The following GALNTL5 variants were observed in gnomAD, a reference collection of about 807,000 sequenced individuals.
The protein encoded by GALNTL5 is polypeptide N-acetylgalactosaminyltransferase like 5, also known as inactive polypeptide N-acetylgalactosaminyltransferase-like protein 5.
A neutral mutation model predicts 51.0 loss-of-function variants in GALNTL5; 44 were observed. The ratio of observed to expected loss-of-function variants is 0.86; its 90% CI spans 0.68 to 1.11. GALNTL5 has a LOEUF of 1.11. Among genes scored for constraint, GALNTL5 ranks in the 50% least tolerant of loss-of-function variants. The pLI is 0.00. For synonymous variants in GALNTL5, 192 were observed against 182.8 expected (o/e 1.05, Z -0.41); for missense variants, 528 against 531.8 (o/e 0.99, Z 0.07).
chr7:151,981,238 A>T (rs944772909), intron 3 of GALNTL5, among the ~76,000 whole-genome samples: 71 of 152,240 alleles, frequency 4.7e-4, no homozygotes, highest in African/African-American at 1.7e-3. Context: ...CCCACTAAAG[A>T]AGTGGAAAAA....
intron 5 of GALNTL5, among the ~76,000 whole-genome samples, chr7:151,988,358 T>C (rs1421796860): frequency 6.6e-6 from 1 of 152,160 alleles, no homozygotes; most frequent in Non-Finnish European, 1.5e-5. Context: ...TGTAGGGGAA[T>C]GTTGGCAGAA....
chr7:152,006,013 CA>C (rs1009154195), intron 6 of GALNTL5, among the ~76,000 whole-genome samples: 1 of 151,988 alleles, frequency 6.6e-6, no homozygotes, highest in African/African-American at 2.4e-5. Context: ...TGTAGAGGAC[CA>C]GCCCTGAGCC....
intron 3 of GALNTL5, among the ~76,000 whole-genome samples, chr7:151,973,179 A>G (rs6464193): frequency 0.59 from 89,102 of 151,768 alleles, 26,386 homozygotes; most frequent in African/African-American, 0.65. Flanking sequence ...TTTAGGGGCC[A>G]GGCACTGTGG....
chr7:151,985,143 C>T (rs2081344504), intron 4 of GALNTL5, among the ~76,000 whole-genome samples: 1 of 152,190 alleles, frequency 6.6e-6, no homozygotes. Flanking sequence ...CTAGCTCCAT[C>T]ACCCAGTTAT....
At chr7:151,958,981 G>A (rs1214841213) in intron 1 of GALNTL5, among the ~76,000 whole-genome samples, 5 of 152,154 alleles carry the variant, frequency 3.3e-5, no homozygotes, top group Non-Finnish European at 7.4e-5. Context: ...GCTGGAAAGA[G>A]CACCAGTCCT....
intron 3 of GALNTL5, among the ~76,000 whole-genome samples, chr7:151,982,117 A>G (rs1437153528): frequency 6.6e-6 from 1 of 152,198 alleles, no homozygotes; most frequent in South Asian, 2.1e-4. Flanking sequence ...ACACAAAAAA[A>G]TAAAGTATTC....
chr7:151,987,432 CT>C, intron 5 of GALNTL5, 151 bp downstream of exon 5: 1 of 653,874 alleles, frequency 1.5e-6, no homozygotes, highest in Admixed American at 3.9e-5. Flanking sequence ...CTTTAATCTT[CT>C]TTTGCCTCTG....
intron 2 of GALNTL5, among the ~76,000 whole-genome samples, chr7:151,970,167 A>G (rs1317434555): frequency 7.5e-6 from 1 of 133,438 alleles, no homozygotes; most frequent in Non-Finnish European, 1.6e-5. Context: ...CCCCACCAAT[A>G]GACGCCTGGC....
intron 1 of GALNTL5, among the ~76,000 whole-genome samples, chr7:151,958,395 C>T (rs978148408): frequency 1.3e-5 from 2 of 152,212 alleles, no homozygotes; most frequent in South Asian, 2.1e-4. Context: ...TCAGAGATGC[C>T]AACCGCCACA....
chr7:151,967,073 A>G, intron 1 of GALNTL5, 135 bp from the exon 2 acceptor site: 1 of 571,538 alleles, frequency 1.7e-6, no homozygotes, highest in Admixed American at 3.1e-5. Flanking sequence ...AGAAATAAGG[A>G]CACACTTTAT....
rs146121314 is a variant in GALNTL5 at position 152,019,662 on chromosome 7, G to A, written c.1193G>A (p.Arg398Gln). The change falls in exon 9 of 9, where the codon CGA becomes CAA. Residue 398 changes from arginine to glutamine, a missense_variant. Arg to Gln is a conservative substitution (Grantham distance 43). Transcript: ENST00000392800. Reference sequence around the variant, plus strand: ...TTCATTTAGGAGCAGTTTTTTCTTCGAAAGCCTGGTCTGAAATATGTCACC... The same window carrying A: ...TTCATTTAGGAGCAGTTTTTTCTTCAAAAGCCTGGTCTGAAATATGTCACC... ...LDEYKEQFFL[R>Q]KPGLKYVTYG... 9.5e-5 allele frequency: 152 copies of A among 1,605,012 alleles called. 1 individual carries two copies. The African/African-American group carries it at 1.4e-3, about 15-fold the overall frequency.
intron 8 of GALNTL5, among the ~76,000 whole-genome samples, chr7:152,017,771 T>C (rs987320311): frequency 6.6e-6 from 1 of 152,174 alleles, no homozygotes. Flanking sequence ...CATTAATAAA[T>C]AGTACCAGTT....
chr7:152,012,155 G>A (rs1351308145), intron 7 of GALNTL5, among the ~76,000 whole-genome samples: 3 of 152,180 alleles, frequency 2.0e-5, no homozygotes, highest in Admixed American at 6.5e-5. Context: ...GTGTGCTCAC[G>A]ATCCATTGGC....
chr7:152,007,063 A>T (rs946779122), intron 6 of GALNTL5, among the ~76,000 whole-genome samples: 3 of 152,154 alleles, frequency 2.0e-5, no homozygotes, highest in Non-Finnish European at 4.4e-5. Flanking sequence ...CACCACACCC[A>T]GCTGTGACTA....
intron 4 of GALNTL5, among the ~76,000 whole-genome samples, chr7:151,986,219 A>G (rs961276778): frequency 6.6e-6 from 1 of 152,232 alleles, no homozygotes; most frequent in African/African-American, 2.4e-5. Flanking sequence ...GAGCTACTGA[A>G]AAATTAGAAG....
intron 7 of GALNTL5, among the ~76,000 whole-genome samples, chr7:152,011,487 A>T (rs905365802): frequency 6.6e-6 from 1 of 152,196 alleles, no homozygotes; most frequent in Non-Finnish European, 1.5e-5. Context: ...CCATCCCCAG[A>T]TGCTGGCAAG....
intron 6 of GALNTL5, among the ~76,000 whole-genome samples, chr7:152,005,238 C>A (rs1035104702): frequency 1.5e-4 from 23 of 151,530 alleles, no homozygotes; most frequent in African/African-American, 4.2e-4. Flanking sequence ...CACACACACA[C>A]AAAAAGCAAA....
At chr7:151,976,921 G>T (rs2081214082) in intron 3 of GALNTL5, among the ~76,000 whole-genome samples, 1 of 152,106 alleles carries the variant, frequency 6.6e-6, no homozygotes, top group South Asian at 2.1e-4. Context: ...AACCACCTTG[G>T]CCTCCCAAAG....
intron 3 of GALNTL5, 80 bp downstream of exon 3, chr7:151,971,145 A>G: frequency 2.8e-5 from 33 of 1,170,646 alleles, no homozygotes; most frequent in Admixed American, 2.2e-4. Context: ...ATAGAAAGAA[A>G]ACAGTTACTA....
Sources: allele counts gnomAD v4.1 joint callset (sites outside exome capture counted in the v4.1 genomes callset), GRCh38; gene constraint gnomAD v4.1.1; transcripts MANE v1.5; gene names NCBI Gene and HGNC (gene_info 2026-07-23, HGNC 2026-07-21).